Variants in DNAH17 observed in about 807,000 individuals in gnomAD.
The protein encoded by DNAH17 is dynein axonemal heavy chain 17.
In DNAH17, 376 loss-of-function variants were observed where a neutral mutation model predicts 485.6. That is an observed-to-expected ratio of 0.77 (90% CI 0.71 to 0.84). The LOEUF (loss-of-function observed/expected upper bound fraction) is 0.84. DNAH17 is among the 40% of genes least tolerant of loss of function. The pLI is 0.00. For missense variants in DNAH17, 6,370 were observed against 5,839.3 expected (o/e 1.09, Z -2.96); for synonymous variants, 3,031 against 2,405.9 (o/e 1.26, Z -7.60).
In DNAH17 at chr17:78,572,880, C is replaced by T; in HGVS notation, c.360G>A (p.Leu120=). 6.2e-7 allele frequency: 1 copy of T among 1,613,730 alleles called. No homozygotes were observed. The highest frequency in any genetic ancestry group is 8.5e-7 in the Non-Finnish European group (1 of 1,179,774). ...IAVVEEVLSS[L]LNQSENMAGW... ...CAGCCATGTTCTCACTTTGGTTTAA[C>T]AGAGAAGAGAGGACCTAAAAGGAAA... Residue 120 remains leucine, a synonymous_variant, in exon 3 of 81, where the codon CTG becomes CTA. Coordinates refer to ENST00000389840, the MANE Select transcript of DNAH17 (RefSeq NM_173628.4).
In DNAH17 at chr17:78,575,233, G is replaced by C. The variant is rs561832661; in HGVS notation, c.-25-151C>G. On this transcript the variant is annotated intron_variant, in intron 1 of 80. Coordinates refer to ENST00000389840, the MANE Select transcript of DNAH17 (RefSeq NM_173628.4). ...GCAGTTTTTAGCTGTGGTTGGGTTG[G>C]GGTGGGGGTGCTTTAGCAGGTGCTG... Among the ~76,000 whole-genome samples the C allele has an allele frequency of 6.0e-3, 919 of 152,110 alleles. 6 individuals are homozygous for C. Among genetic ancestry groups the C allele is most frequent in the African/African-American group, 0.021 (869 of 41,352 alleles).
In DNAH17 at chr17:78,526,732, C is replaced by T. The variant is rs1454758070; in HGVS notation, c.3630G>A (p.Lys1210=). The change falls in exon 24 of 81, where the codon AAG becomes AAA. Residue 1210 remains lysine, a synonymous_variant. Transcript: ENST00000389840. ...TGAACCTCTCCCTGAACTCATGTTG[C>T]TTGAGCTGCGAGAGAAGAGTGCAAA... is the stretch of plus-strand genomic sequence containing the variant. The part of the protein sequence containing the change: ...LRRKCQQFEL[K]QHEFRERFRR... 2 of 1,606,092 alleles carry T rather than the reference C, an allele frequency of 1.2e-6. No homozygotes were observed. Among genetic ancestry groups the T allele is most frequent in the Non-Finnish European group, 1.7e-6 (2 of 1,174,268 alleles).
At chr17:78,456,595 C>T (rs573231166) in intron 62 of DNAH17, among the ~76,000 whole-genome samples, 4 of 152,332 alleles carry the variant, frequency 2.6e-5, no homozygotes, top group Admixed American at 6.5e-5. Context: ...CTCCACGATG[C>T]GCCTCGTGCT....
chr17:78,546,696 A>C (rs1475960400), intron 16 of DNAH17, among the ~76,000 whole-genome samples: 1 of 152,226 alleles, frequency 6.6e-6, no homozygotes, highest in African/African-American at 2.4e-5. Context: ...ACCTGAGGCC[A>C]GGAATTTGAG....
chr17:78,528,430 A>G (rs926465409), intron 22 of DNAH17, among the ~76,000 whole-genome samples: 3 of 151,928 alleles, frequency 2.0e-5, no homozygotes, highest in Admixed American at 6.6e-5. Flanking sequence ...AATTTTTTAA[A>G]TTTTTTGTAG....
At position 78,499,113 on chromosome 17, in the gene DNAH17, C is replaced by A; in HGVS notation, c.5641-1G>T. On this transcript the variant is annotated splice_acceptor_variant, in intron 36 of 80. Coordinates refer to ENST00000389840, the MANE Select transcript of DNAH17 (RefSeq NM_173628.4). LOFTEE classifies it high-confidence loss of function. ...GGCCCTTGTAGATATTTCCACAGGA[C>A]TGGAAAGGGCGAGATGGAGAAAGGA... 6.3e-7 allele frequency: 1 copy of A among 1,581,544 alleles called. No individual in the cohort carries two copies. Among genetic ancestry groups the A allele is most frequent in the Non-Finnish European group, 8.6e-7 (1 of 1,164,720 alleles).
chr17:78,556,719 A>G (rs1326995092), intron 14 of DNAH17, among the ~76,000 whole-genome samples: 1 of 152,192 alleles, frequency 6.6e-6, no homozygotes, highest in African/African-American at 2.4e-5. Flanking sequence ...TGTTTGTAGC[A>G]GCTTTATTTG....
intron 54 of DNAH17, 58 bp downstream of exon 54, chr17:78,475,220 T>G: frequency 6.4e-7 from 1 of 1,569,466 alleles, no homozygotes; most frequent in East Asian, 2.3e-5. Flanking sequence ...GGAGTGAAGT[T>G]TTTCTTTACT....
At chr17:78,460,040 G>C in intron 59 of DNAH17, 39 bp from the exon 60 acceptor site, 1 of 1,608,728 alleles carries the variant, frequency 6.2e-7, no homozygotes. Flanking sequence ...TGGGAGTTTG[G>C]ACCGGGTCCT....
intron 16 of DNAH17, among the ~76,000 whole-genome samples, chr17:78,544,414 T>C (rs746163121): frequency 6.6e-6 from 1 of 152,162 alleles, no homozygotes; most frequent in Admixed American, 6.5e-5. Flanking sequence ...AAGTCCCTTT[T>C]GTGGGGGCCA....
chr17:78,461,555 C>T lies in DNAH17; in HGVS notation c.9328G>A (p.Val3110Ile). ...IADQEEVKVE[V>I]INKNVTEKQK... ...CTGCCTTCACCTACCTTATTGATGA[C>T]CTCGACCTTGACTTCTTCCTGGTCA... Residue 3110 changes from valine (V) to isoleucine (I), a missense_variant, in exon 58 of 81, where the codon GTC (valine) becomes ATC (isoleucine). By Grantham distance (29) the Val-to-Ile change is conservative. Transcript: ENST00000389840. The T allele has an allele frequency of 1.9e-6, 3 of 1,593,850 alleles. No homozygotes were observed. Among genetic ancestry groups the T allele is most frequent in the Non-Finnish European group, 2.6e-6 (3 of 1,171,318 alleles).
chr17:78,521,797 G>T (rs1440588650), intron 25 of DNAH17, among the ~76,000 whole-genome samples: 2 of 152,150 alleles, frequency 1.3e-5, no homozygotes, highest in Non-Finnish European at 2.9e-5. Context: ...GACCAGCCTG[G>T]TCAACATGAT....
Position 78,479,516 on chromosome 17 carries a change from C to T in DNAH17, c.7869G>A (p.Arg2623=), listed in dbSNP as rs760646672. 5 of 1,613,272 alleles carry T rather than the reference C, an allele frequency of 3.1e-6. No individual in the cohort carries two copies. The highest frequency in any genetic ancestry group is 1.7e-4 in the Middle Eastern group (1 of 6,058). Residue 2623 remains arginine, a synonymous_variant, in exon 50 of 81, where the codon AGG becomes AGA. Coordinates refer to ENST00000389840, the MANE Select transcript of DNAH17 (RefSeq NM_173628.4). ...AFRSVSMAIQ[R]ISSQLVAAAL... ...CCGCGGCCACCAGCTGGCTGCTTAT[C>T]CTCTGGATAGCCATGGAGACCGAGC... is the stretch of plus-strand genomic sequence containing the variant.
intron 20 of DNAH17, 41 bp downstream of exon 20, chr17:78,532,441 C>G (rs766934116): frequency 5.7e-6 from 9 of 1,573,368 alleles, no homozygotes; most frequent in Non-Finnish European, 7.8e-6. Flanking sequence ...TCCTGGAAGA[C>G]TCTGGAGACA....
intron 30 of DNAH17, among the ~76,000 whole-genome samples, chr17:78,505,702 G>T (rs1356666886): frequency 1.3e-5 from 2 of 152,196 alleles, no homozygotes; most frequent in South Asian, 2.1e-4. Flanking sequence ...TTTTTGGTGG[G>T]GCATGGTGGC....
At chr17:78,560,062 A>T (rs11870238) in intron 13 of DNAH17, among the ~76,000 whole-genome samples, 7 of 151,878 alleles carry the variant, frequency 4.6e-5, no homozygotes, top group Admixed American at 3.3e-4. Flanking sequence ...ACCTTCTACC[A>T]TATCATACAC....
At chr17:78,541,860 T>G (rs2091599435) in intron 17 of DNAH17, among the ~76,000 whole-genome samples, 1 of 152,170 alleles carries the variant, frequency 6.6e-6, no homozygotes, top group Non-Finnish European at 1.5e-5. Flanking sequence ...AAGTAACATT[T>G]TTGCAGTTTA....
chr17:78,556,361 T>C (rs1027692258), intron 14 of DNAH17, among the ~76,000 whole-genome samples: 1 of 152,138 alleles, frequency 6.6e-6, no homozygotes, highest in African/African-American at 2.4e-5. Context: ...GACCATCCCC[T>C]TGAGCCTCCA....
intron 22 of DNAH17, among the ~76,000 whole-genome samples, chr17:78,528,802 C>T (rs1026420813): frequency 2.8e-4 from 43 of 152,226 alleles, no homozygotes; most frequent in African/African-American, 9.6e-4. Context: ...GCTGTGCAAA[C>T]GCAGCTGCCA....
Sources: allele counts gnomAD v4.1 joint callset (sites outside exome capture counted in the v4.1 genomes callset), GRCh38; gene constraint gnomAD v4.1.1; transcripts MANE v1.5; gene names NCBI Gene and HGNC (gene_info 2026-07-23, HGNC 2026-07-21).